DENND1A: variants seen among roughly 807,000 people sequenced by gnomAD.
DENND1A encodes DENN domain containing 1A.
DENND1A carries 51 observed loss-of-function variants against 113.7 expected under a neutral mutation model. The observed-to-expected ratio is 0.45, with a 90% CI of 0.36 to 0.57. The LOEUF (loss-of-function observed/expected upper bound fraction) is 0.57. Ranked by LOEUF, DENND1A falls within the 20% of genes least tolerant of loss-of-function variation. The pLI, the probability that DENND1A is intolerant of heterozygous loss-of-function variation, is 0.00. For missense variants in DENND1A, 1,258 were observed against 1,395.9 expected, an observed-to-expected ratio of 0.90 and a Z score of 1.57; for synonymous variants, 565 against 570.8, an observed-to-expected ratio of 0.99 and a Z score of 0.14.
At chr9:123,926,977 G>A (rs114942780) in intron 1 of DENND1A, among the ~76,000 whole-genome samples, 5 of 152,128 alleles carry the variant, frequency 3.3e-5, no homozygotes, top group Admixed American at 2.0e-4. Context: ...GGGGGTGGGG[G>A]TGGCAACAGG....
At chr9:123,636,697 C>CT (rs112301152) in intron 9 of DENND1A, among the ~76,000 whole-genome samples, 1,645 of 119,630 alleles carry the variant, frequency 0.014, 21 homozygotes, top group African/African-American at 0.031. Flanking sequence ...GATTACCAGA[C>CT]TTTTTTTTTT....
intron 1 of DENND1A, among the ~76,000 whole-genome samples, chr9:123,883,644 C>T (rs555318612): frequency 2.6e-5 from 4 of 152,048 alleles, no homozygotes; most frequent in African/African-American, 9.6e-5. Flanking sequence ...ATAGGGGATA[C>T]CACAGTAATC....
intron 5 of DENND1A, among the ~76,000 whole-genome samples, chr9:123,702,805 C>A (rs1301290941): frequency 6.6e-6 from 1 of 152,086 alleles, no homozygotes; most frequent in Non-Finnish European, 1.5e-5. Flanking sequence ...ACAAGCAGTG[C>A]CAAAGGGAGT....
intron 5 of DENND1A, among the ~76,000 whole-genome samples, chr9:123,698,464 C>T (rs966483314): frequency 6.6e-6 from 1 of 152,188 alleles, no homozygotes; most frequent in African/African-American, 2.4e-5. Context: ...GGCAATACTA[C>T]CTCTTTAGGG....
intron 1 of DENND1A, among the ~76,000 whole-genome samples, chr9:123,913,004 C>T (rs572427610): frequency 7.3e-5 from 11 of 150,392 alleles, no homozygotes; most frequent in East Asian, 3.9e-4. Context: ...TGGATGTCAA[C>T]GGAAGCAGAG....
At chr9:123,517,787 A>C (rs2134859879) in intron 13 of DENND1A, among the ~76,000 whole-genome samples, 1 of 147,398 alleles carries the variant, frequency 6.8e-6, no homozygotes, top group South Asian at 2.2e-4. Flanking sequence ...AATCCATATA[A>C]TTGCATGAAA....
intron 12 of DENND1A, among the ~76,000 whole-genome samples, chr9:123,567,963 T>C (rs2058145541): frequency 6.6e-6 from 1 of 152,158 alleles, no homozygotes; most frequent in African/African-American, 2.4e-5. Context: ...GCACTGAGCT[T>C]TGAGAGAAAA....
intron 5 of DENND1A, among the ~76,000 whole-genome samples, chr9:123,689,318 C>T (rs1052231508): frequency 6.6e-6 from 1 of 152,174 alleles, no homozygotes; most frequent in Non-Finnish European, 1.5e-5. Flanking sequence ...AGCCACTGCA[C>T]CTGGCCTCTG....
intron 9 of DENND1A, among the ~76,000 whole-genome samples, chr9:123,632,214 T>C (rs2061506675): frequency 6.6e-6 from 1 of 152,010 alleles, no homozygotes; most frequent in Non-Finnish European, 1.5e-5. Flanking sequence ...CCCTGACTCT[T>C]TCCTCCAGAC....
rs150468871 is a variant in DENND1A at position 123,425,544 on chromosome 9, T to C, written c.1489-13715A>G. Among the ~76,000 whole-genome samples, 415 of 152,198 alleles carry C rather than the reference T, an allele frequency of 2.7e-3. 2 individuals are homozygous for C. Among genetic ancestry groups the C allele is most frequent in the Non-Finnish European group, 3.9e-3 (265 of 67,990 alleles). Reference sequence around the variant, plus strand: ...ACTGACTACTCAAGGGCACAAGGAGTGAGTGGACCTGGCCTCGCCTCTTCC... The same window carrying C: ...ACTGACTACTCAAGGGCACAAGGAGCGAGTGGACCTGGCCTCGCCTCTTCC... On this transcript the variant is annotated intron_variant, in intron 19 of 23. Coordinates refer to ENST00000394215, the MANE Select transcript of DENND1A (RefSeq NM_001352964.2).
intron 22 of DENND1A, among the ~76,000 whole-genome samples, chr9:123,384,685 C>T (rs545488119): frequency 6.6e-6 from 1 of 152,310 alleles, no homozygotes; most frequent in East Asian, 1.9e-4. Context: ...CGGTGGCTCA[C>T]GCCTGTAATC....
At chr9:123,812,140 T>G (rs1018844982) in intron 2 of DENND1A, among the ~76,000 whole-genome samples, 1 of 152,244 alleles carries the variant, frequency 6.6e-6, no homozygotes, top group African/African-American at 2.4e-5. Flanking sequence ...CCATCCATAC[T>G]GTTGTACGTT....
intron 6 of DENND1A, among the ~76,000 whole-genome samples, chr9:123,672,954 A>G (rs1451407216): frequency 6.6e-6 from 1 of 152,246 alleles, no homozygotes; most frequent in East Asian, 1.9e-4. Flanking sequence ...GGCAGCAAAC[A>G]ATCCACTTCA....
chr9:123,928,527 CT>C, intron 1 of DENND1A: 1 of 982,600 alleles, frequency 1.0e-6, no homozygotes, highest in Non-Finnish European at 1.2e-6. Context: ...ATGCTTCTAA[CT>C]TTTTTCTCAT....
At chr9:123,665,855 T>C (rs890666707) in intron 8 of DENND1A, among the ~76,000 whole-genome samples, 7 of 152,356 alleles carry the variant, frequency 4.6e-5, no homozygotes, top group Middle Eastern at 6.8e-3. Flanking sequence ...ACACCTACAA[T>C]GGAATATCAT....
intron 2 of DENND1A, among the ~76,000 whole-genome samples, chr9:123,852,151 G>A (rs1454468006): frequency 6.6e-6 from 1 of 152,172 alleles, no homozygotes; most frequent in African/African-American, 2.4e-5. Context: ...AGTGGTGGTG[G>A]TAGGGACGGG....
intron 10 of DENND1A, 65 bp from the exon 11 acceptor site, chr9:123,609,546 A>G: frequency 6.4e-7 from 1 of 1,560,696 alleles, no homozygotes; most frequent in Non-Finnish European, 8.7e-7. Flanking sequence ...AAAATTACAG[A>G]TGGTTCACTA....
At chr9:123,670,191 T>C (rs1379554789) in intron 7 of DENND1A, among the ~76,000 whole-genome samples, 1 of 152,220 alleles carries the variant, frequency 6.6e-6, no homozygotes, top group Non-Finnish European at 1.5e-5. Context: ...ACAAGGAATA[T>C]CAATTTTCTT....
rs368908143 is a variant in DENND1A at position 123,602,795 on chromosome 9, G to A, written c.765+6641C>T. ...AGTGATCCTCTTGCCTCAGCCTTCT[G>A]AGTAGCTGGAACTATAGCTGTGTGT... On this transcript the variant is annotated intron_variant, in intron 11 of 23. Coordinates refer to ENST00000394215, the MANE Select transcript of DENND1A (RefSeq NM_001352964.2). 3.3e-5 allele frequency among the ~76,000 whole-genome samples: 5 copies of A among 152,348 alleles called. No homozygotes were observed. The East Asian group carries it at 5.8e-4, about 18-fold the overall frequency.
Sources: gnomAD v4.1 joint callset for allele counts (sites outside exome capture counted in the v4.1 genomes callset) on GRCh38, gnomAD v4.1.1 for gene constraint, MANE v1.5 for transcripts, NCBI Gene and HGNC (gene_info 2026-07-23, HGNC 2026-07-21) for gene names.